Variants in ZFAND4 observed in about 807,000 individuals in gnomAD.
ZFAND4 encodes AN1-type zinc finger protein 4.
A neutral mutation model predicts 64.4 loss-of-function variants in ZFAND4; 43 were observed. That is an observed-to-expected ratio of 0.67 (90% CI 0.52 to 0.86). The LOEUF is 0.86. Ranked by LOEUF, ZFAND4 falls within the 40% of genes least tolerant of loss-of-function variation. The pLI, the probability that ZFAND4 is intolerant of heterozygous loss-of-function variation, is 0.00. For synonymous variants in ZFAND4, 296 were observed against 305.7 expected, an observed-to-expected ratio of 0.97 and a Z score of 0.33; for missense variants, 929 against 859.8, an observed-to-expected ratio of 1.08 and a Z score of -1.01.
intron 2 of ZFAND4, among the ~76,000 whole-genome samples, chr10:45,657,850 T>C (rs574659829): frequency 5.9e-5 from 9 of 152,292 alleles, no homozygotes; most frequent in Non-Finnish European, 1.2e-4. Flanking sequence ...ATAAAGTATA[T>C]GATTTCATTT....
At chr10:45,622,843 T>A (rs1323580818) in intron 8 of ZFAND4, among the ~76,000 whole-genome samples, 3 of 152,192 alleles carry the variant, frequency 2.0e-5, no homozygotes, top group Non-Finnish European at 4.4e-5. Flanking sequence ...TCTGTCCATG[T>A]ACTGCCTGAA....
In ZFAND4 at chr10:45,616,483, G is replaced by C. The variant is rs367744877; in HGVS notation, c.2137C>G (p.His713Asp). The change falls in exon 10 of 10, where the codon CAC becomes GAC. Residue 713 changes from histidine to aspartate, a missense_variant. Coordinates refer to ENST00000344646, the MANE Select transcript of ZFAND4 (RefSeq NM_174890.4). ...GCATTAACCACAGGATTTGCCTCGT[G>C]CAAGTATCTCCTCCCTGCACTCTTG... ...DYKSAGRRYL[H>D]EANPVVNAPK... 29 of 1,614,094 alleles carry C rather than the reference G, an allele frequency of 1.8e-5. No homozygotes were observed. Among genetic ancestry groups the C allele is most frequent in the Non-Finnish European group, 2.2e-5 (26 of 1,180,044 alleles).
At chr10:45,623,647 G>A (rs1000412758) in intron 8 of ZFAND4, among the ~76,000 whole-genome samples, 3 of 152,138 alleles carry the variant, frequency 2.0e-5, no homozygotes, top group Non-Finnish European at 4.4e-5. Context: ...CAGGGTGGTG[G>A]GAGGGGGAAG....
At chr10:45,648,984 C>CA (rs1277955226) in intron 4 of ZFAND4, 2 of 984,924 alleles carry the variant, frequency 2.0e-6, no homozygotes, top group African/African-American at 3.5e-5. Flanking sequence ...AGTACACAGA[C>CA]ACGGCCGGGT....
At chr10:45,654,340 G>A (rs2047958384) in intron 2 of ZFAND4, among the ~76,000 whole-genome samples, 1 of 152,146 alleles carries the variant, frequency 6.6e-6, no homozygotes, top group African/African-American at 2.4e-5. Flanking sequence ...AAGATATTGG[G>A]CTGGGCACAG....
chr10:45,663,530 A>C lies in ZFAND4; in HGVS notation c.184+12T>G. 1 of 1,557,622 alleles carries C rather than the reference A, an allele frequency of 6.4e-7. No homozygotes were observed. Among genetic ancestry groups the C allele is most frequent in the Non-Finnish European group, 8.6e-7 (1 of 1,157,578 alleles). On this transcript the variant is annotated intron_variant, in intron 2 of 9. Transcript: ENST00000344646. ...TAATTTTCATATCCTAAAAACAAAG[A>C]AAGATGAGTACCTTCCAATCTTCGA... is the stretch of plus-strand genomic sequence containing the variant.
chr10:45,622,081 G>A (rs920083668), intron 8 of ZFAND4, among the ~76,000 whole-genome samples: 4 of 152,018 alleles, frequency 2.6e-5, no homozygotes, highest in East Asian at 1.9e-4. Context: ...ATGTGTCAAC[G>A]AAAAACAACA....
At chr10:45,618,385 C>T (rs2133495750) in intron 8 of ZFAND4, 125 bp from the exon 9 acceptor site, 1 of 1,185,140 alleles carries the variant, frequency 8.4e-7, no homozygotes, top group Non-Finnish European at 1.2e-6. Flanking sequence ...TTAATTTGTG[C>T]TATTTTTATA....
intron 1 of ZFAND4, among the ~76,000 whole-genome samples, chr10:45,670,768 C>T (rs2049130796): frequency 6.6e-6 from 1 of 152,216 alleles, no homozygotes; most frequent in African/African-American, 2.4e-5. Flanking sequence ...AGGACATAGG[C>T]ATGAGCACGG....
intron 3 of ZFAND4, among the ~76,000 whole-genome samples, chr10:45,652,523 A>C (rs1179173106): frequency 6.6e-6 from 1 of 152,194 alleles, no homozygotes; most frequent in Admixed American, 6.5e-5. Flanking sequence ...AGAGAGACAA[A>C]GTGTCAGAAA....
chr10:45,666,549 T>C (rs575998512), intron 1 of ZFAND4, among the ~76,000 whole-genome samples: 12 of 152,348 alleles, frequency 7.9e-5, no homozygotes, highest in African/African-American at 2.4e-4. Flanking sequence ...TGTTAAACTC[T>C]AATTTGGCTA....
chr10:45,633,126 T>A (rs2046333829), intron 6 of ZFAND4, among the ~76,000 whole-genome samples: 1 of 150,564 alleles, frequency 6.6e-6, no homozygotes, highest in South Asian at 2.1e-4. Flanking sequence ...CAGCAAAAAG[T>A]ATGAGAAATG....
chr10:45,640,024 C>T (rs530371917), intron 5 of ZFAND4, 61 bp from the exon 6 acceptor site: 2 of 1,537,536 alleles, frequency 1.3e-6, no homozygotes, highest in Non-Finnish European at 1.7e-6. Flanking sequence ...ACTAAAAATG[C>T]TCTATATGAA....
At chr10:45,635,455 A>G (rs1330198309) in intron 6 of ZFAND4, among the ~76,000 whole-genome samples, 1 of 152,146 alleles carries the variant, frequency 6.6e-6, no homozygotes, top group Non-Finnish European at 1.5e-5. Context: ...TGTTGGGAAA[A>G]CTGGATCCAC....
chr10:45,651,850 A>C, intron 4 of ZFAND4, 116 bp downstream of exon 4: 3 of 909,214 alleles, frequency 3.3e-6, no homozygotes, highest in Non-Finnish European at 5.2e-6. Context: ...ATCAAATGTG[A>C]TTTTTCTAAG....
chr10:45,655,366 A>G (rs1176578746), intron 2 of ZFAND4, among the ~76,000 whole-genome samples: 1 of 152,248 alleles, frequency 6.6e-6, no homozygotes, highest in Non-Finnish European at 1.5e-5. Flanking sequence ...TGCTAAGAGG[A>G]AAGTTTATAG....
rs2045849968 is a variant in ZFAND4, at chr10:45,626,637, G to A, written c.1186C>T (p.Pro396Ser). The change falls in exon 7 of 10, where the codon CCT becomes TCT. Residue 396 changes from proline to serine, a missense_variant. Coordinates refer to ENST00000344646, the MANE Select transcript of ZFAND4 (RefSeq NM_174890.4). The part of the protein sequence containing the change: ...EECVTEQSLL[P>S]KVGSLASFAE... ...AATGAAGCCAGTGAGCCCACTTTAG[G>A]TAGAAGTGATTGTTCGGTTACACAT... The A allele has an allele frequency of 4.3e-6, 7 of 1,614,020 alleles. No homozygotes were observed. Among genetic ancestry groups the A allele is most frequent in the South Asian group, 2.2e-5 (2 of 91,080 alleles).
At chr10:45,633,116 C>T (rs1002026999) in intron 6 of ZFAND4, among the ~76,000 whole-genome samples, 1 of 150,514 alleles carries the variant, frequency 6.6e-6, no homozygotes, top group Non-Finnish European at 1.5e-5. Flanking sequence ...CACTTTCTTA[C>T]AGCAAAAAGT....
Position 45,626,276 on chromosome 10 carries a change from G to A in ZFAND4, c.1547C>T (p.Thr516Ile). 6.2e-7 allele frequency: 1 copy of A among 1,614,134 alleles called. No individual in the cohort carries two copies. Among genetic ancestry groups the A allele is most frequent in the Non-Finnish European group, 8.5e-7 (1 of 1,180,026 alleles). ...SSQSLDVQNI[T>I]DSSFSRTTCF... ...AGTAGTCCTAGAGAAAGAAGAATCA[G>A]TTATGTTTTGAACATCCAGTGACTG... is the stretch of plus-strand genomic sequence containing the variant. Residue 516 changes from threonine (T) to isoleucine (I), a missense_variant, in exon 7 of 10, where the codon ACT becomes ATT. Physicochemically the swap from Thr to Ile is moderately conservative, Grantham distance 89 (BLOSUM62 -1). Coordinates refer to ENST00000344646, the MANE Select transcript of ZFAND4 (RefSeq NM_174890.4).
Sources: gnomAD v4.1 joint callset for allele counts (sites outside exome capture counted in the v4.1 genomes callset) on GRCh38, gnomAD v4.1.1 for gene constraint, MANE v1.5 for transcripts, NCBI Gene and HGNC (gene_info 2026-07-23, HGNC 2026-07-21) for gene names.